Variants in ADAMTS2 observed in about 807,000 individuals in gnomAD.
ADAMTS2 encodes the protein A disintegrin and metalloproteinase with thrombospondin motifs 2.
Under a neutral mutation model 123.0 loss-of-function variants are expected in ADAMTS2, and 50 were observed. That is an observed-to-expected ratio of 0.41 (90% CI 0.32 to 0.51). The LOEUF (loss-of-function observed/expected upper bound fraction) is 0.51, where lower values mean the gene tolerates loss of function less well. Among genes scored for constraint, ADAMTS2 ranks in the 20% least tolerant of loss-of-function variants. The pLI is 0.35. For missense variants in ADAMTS2, 1,494 were observed against 1,705.2 expected (o/e 0.88, Z 2.18); for synonymous variants, 678 against 695.4 (o/e 0.98, Z 0.39).
chr5:179,336,917 G>A (rs1390912107), intron 2 of ADAMTS2, among the ~76,000 whole-genome samples: 4 of 152,164 alleles, frequency 2.6e-5, no homozygotes, highest in Non-Finnish European at 5.9e-5. Flanking sequence ...AGCCTGCCTG[G>A]CTTCAGCAGC....
At chr5:179,339,072 G>A (rs1190187518) in intron 2 of ADAMTS2, among the ~76,000 whole-genome samples, 1 of 152,152 alleles carries the variant, frequency 6.6e-6, no homozygotes, top group Admixed American at 6.5e-5. Flanking sequence ...GGAGAAGGGT[G>A]GCCACAACCG....
rs467220 is a variant in ADAMTS2, at chr5:179,313,863, C to T, written c.534+29904G>A. On this transcript the variant is annotated intron_variant, in intron 2 of 21. Coordinates refer to ENST00000251582, the MANE Select transcript of ADAMTS2 (RefSeq NM_014244.5). ...GGGGTGTCAGCAGAGGGGACGCACA[C>T]GCATTCACACTCGTGCACACACACA... 8.6e-3 allele frequency among the ~76,000 whole-genome samples: 494 copies of T among 57,174 alleles called. 27 individuals are homozygous for T. Among genetic ancestry groups the T allele is most frequent in the East Asian group, 0.032 (46 of 1,448 alleles). 37.5% of individuals were successfully genotyped at this position (57,174 alleles called of 152,430 possible).
At chr5:179,193,943 T>C (rs922263343) in intron 4 of ADAMTS2, among the ~76,000 whole-genome samples, 4 of 152,162 alleles carry the variant, frequency 2.6e-5, no homozygotes, top group Non-Finnish European at 4.4e-5. Context: ...CAGCCCGGCG[T>C]GGCACATCAT....
intron 5 of ADAMTS2, among the ~76,000 whole-genome samples, chr5:179,167,880 C>T (rs953271894): frequency 1.3e-5 from 2 of 152,214 alleles, no homozygotes; most frequent in African/African-American, 4.8e-5. Flanking sequence ...CTTGTCTCTG[C>T]CGTGCTGTTG....
chr5:179,305,895 C>T (rs185262346), intron 2 of ADAMTS2, among the ~76,000 whole-genome samples: 78 of 152,168 alleles, frequency 5.1e-4, no homozygotes, highest in African/African-American at 1.8e-3. Context: ...GCATGATTTC[C>T]TCAAAAACTA....
chr5:179,281,992 C>G (rs1239409724), intron 2 of ADAMTS2, among the ~76,000 whole-genome samples: 9 of 152,228 alleles, frequency 5.9e-5, no homozygotes, highest in Non-Finnish European at 1.2e-4. Context: ...TTTAATAAGA[C>G]CATTTTCTTT....
intron 20 of ADAMTS2, 59 bp downstream of exon 20, chr5:179,122,585 C>A: frequency 6.5e-7 from 1 of 1,538,712 alleles, no homozygotes; most frequent in Non-Finnish European, 8.8e-7. Context: ...AAGCCTCTGA[C>A]ACCCCCGCCC....
intron 2 of ADAMTS2, among the ~76,000 whole-genome samples, chr5:179,281,614 G>A (rs1766912683): frequency 6.6e-6 from 1 of 152,164 alleles, no homozygotes; most frequent in Admixed American, 6.5e-5. Context: ...TGGGTTGTTG[G>A]TTTTTGGCTC....
chr5:179,214,712 A>G (rs1764935408), intron 3 of ADAMTS2, among the ~76,000 whole-genome samples: 1 of 152,124 alleles, frequency 6.6e-6, no homozygotes, highest in African/African-American at 2.4e-5. Flanking sequence ...CTCCAAAAAC[A>G]CAAAAGAAGA....
rs147093798 is a variant in ADAMTS2, at chr5:179,168,581, G to C, written c.976-9702C>G. 3.9e-3 allele frequency among the ~76,000 whole-genome samples: 595 copies of C among 152,358 alleles called. 7 individuals are homozygous for C. The highest frequency in any genetic ancestry group is 0.014 in the African/African-American group (565 of 41,580). On this transcript the variant is annotated intron_variant, in intron 5 of 21. Coordinates refer to ENST00000251582, the MANE Select transcript of ADAMTS2 (RefSeq NM_014244.5). Reference sequence around the variant, plus strand: ...GAAGAAGCTCTACAAACAGTCACTTGCACGAACGCCTTTATGATTGTCGTC... The same window carrying C: ...GAAGAAGCTCTACAAACAGTCACTTCCACGAACGCCTTTATGATTGTCGTC...
rs544666035 is a variant in ADAMTS2, at chr5:179,207,341, C to A, written c.891+172G>T. ...GAGAACTGAGGTCAGGGATGGTCAA[C>A]TTGTCTCACCTGGGGACCCAGCAAG... On this transcript the variant is annotated intron_variant, in intron 4 of 21. Transcript: ENST00000251582. 1.7e-3 allele frequency among the ~76,000 whole-genome samples: 256 copies of A among 152,300 alleles called. 1 individual carries two copies. Among genetic ancestry groups the A allele is most frequent in the South Asian group, 2.7e-3 (13 of 4,826 alleles).
chr5:179,167,231 G>GC (rs33958402), intron 5 of ADAMTS2, among the ~76,000 whole-genome samples: 2 of 151,882 alleles, frequency 1.3e-5, no homozygotes, highest in African/African-American at 2.4e-5. Context: ...TCGGGGTGCT[G>GC]CCCCCCGCGC....
intron 3 of ADAMTS2, among the ~76,000 whole-genome samples, chr5:179,239,214 A>G (rs1184721375): frequency 6.6e-6 from 1 of 152,186 alleles, no homozygotes; most frequent in Non-Finnish European, 1.5e-5. Flanking sequence ...AAGAGGACAA[A>G]GGCTTGACGC....
intron 3 of ADAMTS2, among the ~76,000 whole-genome samples, chr5:179,216,347 C>T (rs1033223366): frequency 6.6e-6 from 1 of 152,250 alleles, no homozygotes; most frequent in African/African-American, 2.4e-5. Context: ...CAGTACTTGG[C>T]TTGGCCATGT....
intron 3 of ADAMTS2, among the ~76,000 whole-genome samples, chr5:179,224,265 C>T (rs778105102): frequency 1.3e-4 from 20 of 152,168 alleles, no homozygotes; most frequent in South Asian, 4.1e-4. Context: ...TGGGAGCTGT[C>T]GCCATGGCTC....
chr5:179,223,074 C>A (rs1272613637), intron 3 of ADAMTS2, among the ~76,000 whole-genome samples: 1 of 152,256 alleles, frequency 6.6e-6, no homozygotes, highest in East Asian at 1.9e-4. Context: ...CCAAAACCTT[C>A]ATTTTCATTC....
At chr5:179,120,392 GC>G (rs1762730801) in intron 21 of ADAMTS2, 1 of 152,230 alleles carries the variant, frequency 6.6e-6, no homozygotes, top group South Asian at 2.1e-4. Context: ...AAGTGCATAT[GC>G]CCAGGACAGT....
intron 2 of ADAMTS2, among the ~76,000 whole-genome samples, chr5:179,336,272 G>A (rs1201602268): frequency 6.6e-6 from 1 of 152,242 alleles, no homozygotes; most frequent in Non-Finnish European, 1.5e-5. Context: ...CACGCTGTGA[G>A]GTCAAAAAGT....
chr5:179,180,058 G>A lies in ADAMTS2; in HGVS notation c.975+1014C>T, dbSNP rs1425819546. 1.3e-5 allele frequency among the ~76,000 whole-genome samples: 2 copies of A among 152,132 alleles called. No individual in the cohort carries two copies. The highest frequency in any genetic ancestry group is 2.4e-5 in the African/African-American group (1 of 41,408). On this transcript the variant is annotated intron_variant, in intron 5 of 21. Coordinates refer to ENST00000251582, the MANE Select transcript of ADAMTS2 (RefSeq NM_014244.5). This position sits in a 1 kb window ranked among gnomAD's most constrained non-coding sequence, Gnocchi z 4.6. ...ATGTCACTAAGTCACATTAAGCCTCGGTGTTCTTATCTGTGAAATGGGCAG... is the reference window on the plus strand; with the variant it reads ...ATGTCACTAAGTCACATTAAGCCTCAGTGTTCTTATCTGTGAAATGGGCAG...
Sources: allele counts gnomAD v4.1 joint callset (sites outside exome capture counted in the v4.1 genomes callset), GRCh38; gene constraint gnomAD v4.1.1; non-coding constraint Gnocchi (gnomAD v3.1); transcripts MANE v1.5; gene names NCBI Gene and HGNC (gene_info 2026-07-23, HGNC 2026-07-21).